Variants in SIAH3 observed in about 807,000 individuals in gnomAD.
SIAH3 encodes siah E3 ubiquitin protein ligase family member 3.
SIAH3 carries 9 observed loss-of-function variants against 12.6 expected under a neutral mutation model. The ratio of observed to expected loss-of-function variants is 0.72; its 90% CI spans 0.43 to 1.25. SIAH3 has a LOEUF of 1.25. Ranked by LOEUF, SIAH3 falls within the 50% of genes most tolerant of loss-of-function variation. The probability of loss-of-function intolerance (pLI) is 0.00; values close to 1 mark genes in which losing one functional copy is unlikely to be tolerated. For synonymous variants in SIAH3, 154 were observed against 151.1 expected (o/e 1.02, Z -0.14); for missense variants, 390 against 365.4 (o/e 1.07, Z -0.55).
At chr13:45,802,705 C>T (rs1950586304) in intron 1 of SIAH3, among the ~76,000 whole-genome samples, 1 of 152,166 alleles carries the variant, frequency 6.6e-6, no homozygotes, top group East Asian at 1.9e-4. Context: ...TCCAGATCTA[C>T]ATTCGGCAGG....
At position 45,783,764 on chromosome 13, in the gene SIAH3, G is replaced by C. The variant is rs1201095790; in HGVS notation, c.429C>G (p.Phe143Leu). 3.1e-6 allele frequency: 5 copies of C among 1,614,218 alleles called. No individual in the cohort carries two copies. Among genetic ancestry groups the C allele is most frequent in the Non-Finnish European group, 4.2e-6 (5 of 1,180,036 alleles). ...CGGGGAGGTGCATGTCCGTGGCCAG[G>C]AAGACGATCTCGGCTCCCTGGAGGA... ...VDILQGAEIV[F>L]LATDMHLPAP... The change falls in exon 2 of 2, where the codon TTC (phenylalanine) becomes TTG (leucine). Residue 143 changes from phenylalanine to leucine, a missense_variant. Physicochemically the swap from Phe to Leu is conservative, Grantham distance 22 (BLOSUM62 0). Coordinates refer to ENST00000400405, the MANE Select transcript of SIAH3 (RefSeq NM_198849.3).
intron 1 of SIAH3, among the ~76,000 whole-genome samples, chr13:45,843,670 G>A (rs1950748623): frequency 6.6e-6 from 1 of 152,004 alleles, no homozygotes; most frequent in Non-Finnish European, 1.5e-5. Flanking sequence ...TTTCACATGA[G>A]GCAAAAAATT....
intron 1 of SIAH3, among the ~76,000 whole-genome samples, chr13:45,842,375 G>T (rs779935240): frequency 9.9e-5 from 15 of 152,262 alleles, no homozygotes; most frequent in Non-Finnish European, 1.6e-4. Context: ...ACAGGGTCTT[G>T]CTCTGCTACC....
chr13:45,832,065 A>G (rs571125984), intron 1 of SIAH3, among the ~76,000 whole-genome samples: 2 of 152,266 alleles, frequency 1.3e-5, no homozygotes, highest in South Asian at 2.1e-4. Context: ...GGAAGTGCCT[A>G]GGGAGGAGGG....
In SIAH3 at chr13:45,784,049, G is replaced by A; in HGVS notation, c.144C>T (p.Ser48=). ...VNPTHNLKYV[S]SRRAVTQSAP... ...CGCTCTGAGTGACGGCGCGCCGACT[G>A]GACACATACTGTAAGGAAAGAGAAG... The change falls in exon 2 of 2, where the codon TCC becomes TCT. Residue 48 remains serine (S), a synonymous_variant. Transcript: ENST00000400405. 1 of 1,579,870 alleles carries A rather than the reference G, an allele frequency of 6.3e-7. No homozygotes were observed. The highest frequency in any genetic ancestry group is 8.6e-7 in the Non-Finnish European group (1 of 1,163,364).
At chr13:45,786,361 T>C (rs1404237899) in intron 1 of SIAH3, among the ~76,000 whole-genome samples, 1 of 152,102 alleles carries the variant, frequency 6.6e-6, no homozygotes, top group African/African-American at 2.4e-5. Flanking sequence ...AGAGAAACAT[T>C]TTATGTTTGT....
chr13:45,807,968 T>C (rs1010184380), intron 1 of SIAH3, among the ~76,000 whole-genome samples: 1 of 152,224 alleles, frequency 6.6e-6, no homozygotes, highest in African/African-American at 2.4e-5. Flanking sequence ...TTTATTATAT[T>C]TTGCTATTAA....
chr13:45,793,944 A>C (rs765051391), intron 1 of SIAH3, among the ~76,000 whole-genome samples: 3 of 152,262 alleles, frequency 2.0e-5, no homozygotes, highest in Non-Finnish European at 4.4e-5. Flanking sequence ...TATGAGGAGA[A>C]GACACGGATG....
In SIAH3 at chr13:45,806,368, A is replaced by G. The variant is rs1317043755; in HGVS notation, c.136-22311T>C. On this transcript the variant is annotated intron_variant, in intron 1 of 1. Coordinates refer to ENST00000400405, the MANE Select transcript of SIAH3 (RefSeq NM_198849.3). The stretch of plus-strand genomic sequence containing the variant: ...AAAGAAAATGTGGTACATATACACC[A>G]TGGAATACTACACAGCCATAAAAGT... 8.5e-5 allele frequency among the ~76,000 whole-genome samples: 13 copies of G among 152,236 alleles called. No homozygotes were observed. In the East Asian group the frequency reaches 2.3e-3, roughly 27 times the overall value.
At chr13:45,840,616 C>T (rs1052993082) in intron 1 of SIAH3, among the ~76,000 whole-genome samples, 1 of 152,142 alleles carries the variant, frequency 6.6e-6, no homozygotes, top group African/African-American at 2.4e-5. Context: ...GAACTCGATC[C>T]CACCAGGCAG....
At chr13:45,799,563 A>G (rs1247100614) in intron 1 of SIAH3, among the ~76,000 whole-genome samples, 2 of 152,108 alleles carry the variant, frequency 1.3e-5, no homozygotes, top group Non-Finnish European at 2.9e-5. Context: ...CATTATCACA[A>G]GTAGTTTGTA....
intron 1 of SIAH3, among the ~76,000 whole-genome samples, chr13:45,846,927 C>A (rs572908571): frequency 6.6e-6 from 1 of 152,344 alleles, no homozygotes; most frequent in East Asian, 1.9e-4. Context: ...AAAAGCCGCA[C>A]GAATGCTCTG....
intron 1 of SIAH3, among the ~76,000 whole-genome samples, chr13:45,793,378 C>T (rs1473291773): frequency 1.3e-5 from 2 of 152,210 alleles, no homozygotes; most frequent in East Asian, 3.9e-4. Flanking sequence ...ACAGTACTCT[C>T]TGCCTCCTCT....
chr13:45,827,623 G>A (rs1181600787), intron 1 of SIAH3, among the ~76,000 whole-genome samples: 3 of 152,166 alleles, frequency 2.0e-5, no homozygotes, highest in Admixed American at 6.5e-5. Flanking sequence ...TCCTCCCTCA[G>A]TATAGGTGGT....
At chr13:45,815,660 C>T (rs9534226) in intron 1 of SIAH3, among the ~76,000 whole-genome samples, 43,833 of 152,106 alleles carry the variant, frequency 0.29, 7,914 homozygotes, top group Non-Finnish European at 0.4. Flanking sequence ...GAAAGCATTA[C>T]ATCTCATCCA....
chr13:45,847,571 C>T (rs1271146807), intron 1 of SIAH3, among the ~76,000 whole-genome samples: 4 of 151,862 alleles, frequency 2.6e-5, no homozygotes, highest in Non-Finnish European at 5.9e-5. Context: ...TCATATCTGT[C>T]GGGCACTTAA....
intron 1 of SIAH3, among the ~76,000 whole-genome samples, chr13:45,835,817 G>A (rs1023781320): frequency 6.6e-6 from 1 of 152,210 alleles, no homozygotes; most frequent in Non-Finnish European, 1.5e-5. Context: ...TCAGGCTCTG[G>A]ACTTGTATAT....
chr13:45,843,790 G>T (rs1452488339), intron 1 of SIAH3, among the ~76,000 whole-genome samples: 1 of 152,206 alleles, frequency 6.6e-6, no homozygotes, highest in African/African-American at 2.4e-5. Flanking sequence ...ACAGCCAGGT[G>T]GGGAGTGTGG....
At chr13:45,796,249 TAG>T (rs982818459) in intron 1 of SIAH3, among the ~76,000 whole-genome samples, 1 of 126,512 alleles carries the variant, frequency 7.9e-6, no homozygotes, top group African/African-American at 3.3e-5. Flanking sequence ...AAAAACAAAA[TAG>T]AATGGAAGAA....
Sources: allele counts gnomAD v4.1 joint callset (sites outside exome capture counted in the v4.1 genomes callset), GRCh38; gene constraint gnomAD v4.1.1; transcripts MANE v1.5; gene names NCBI Gene and HGNC (gene_info 2026-07-23, HGNC 2026-07-21).